Variants in SLC27A2 observed in about 807,000 individuals in gnomAD.
SLC27A2 encodes the protein long-chain fatty acid transport protein 2.
Under a neutral mutation model 60.0 loss-of-function variants are expected in SLC27A2, and 54 were observed. The ratio of observed to expected loss-of-function variants is 0.90; its 90% CI spans 0.72 to 1.13. The LOEUF (loss-of-function observed/expected upper bound fraction) is 1.13. Ranked by LOEUF, SLC27A2 falls within the 50% of genes most tolerant of loss-of-function variation. The probability of loss-of-function intolerance (pLI) is 0.00; values close to 1 mark genes in which losing one functional copy is unlikely to be tolerated. For missense variants in SLC27A2, 739 were observed against 777.6 expected (o/e 0.95, Z 0.59); for synonymous variants, 297 against 297.6 (o/e 1.00, Z 0.02).
intron 1 of SLC27A2, among the ~76,000 whole-genome samples, chr15:50,192,575 C>T (rs1192905167): frequency 6.6e-6 from 1 of 151,604 alleles, no homozygotes; most frequent in Non-Finnish European, 1.5e-5. Flanking sequence ...GACAGGGTCC[C>T]ACTCTGTTGC....
At position 50,202,675 on chromosome 15, in the gene SLC27A2, G is replaced by A. The variant is rs370948843; in HGVS notation, c.847+30G>A. The A allele has an allele frequency of 9.3e-6, 15 of 1,604,302 alleles. No homozygotes were observed. In the African/African-American group the frequency reaches 1.2e-4, roughly 13 times the overall value. On this transcript the variant is annotated intron_variant, in intron 3 of 9. Coordinates refer to ENST00000267842, the MANE Select transcript of SLC27A2 (RefSeq NM_003645.4). ...GCTTTTTCTACAAAATGTTGGAGGC[G>A]AGTGCACATTTACATTTTCCCAGAA...
chr15:50,200,390 C>T (rs889260023), intron 2 of SLC27A2, among the ~76,000 whole-genome samples: 9 of 151,404 alleles, frequency 5.9e-5, no homozygotes, highest in African/African-American at 2.2e-4. Context: ...ACACTCCAGC[C>T]TGGCAACAGA....
Position 50,182,304 on chromosome 15 carries a change from C to T in SLC27A2, c.-124C>T. 1 of 1,313,904 alleles carries T rather than the reference C, an allele frequency of 7.6e-7. No individual in the cohort carries two copies. Among genetic ancestry groups the T allele is most frequent in the Non-Finnish European group, 9.7e-7 (1 of 1,032,324 alleles). The allele number at this position is 1,313,904 out of a possible 1,614,324, so 81.4% of individuals were successfully genotyped here. ...GTCTTCCCCTTCATCTCACGCGAGCCCGGCGTCCCGCCGCGTGCGCCCCGG... is the reference window on the plus strand; with the variant it reads ...GTCTTCCCCTTCATCTCACGCGAGCTCGGCGTCCCGCCGCGTGCGCCCCGG... On this transcript the variant is annotated 5_prime_UTR_variant, in exon 1 of 10. Transcript: ENST00000267842.
intron 4 of SLC27A2, among the ~76,000 whole-genome samples, chr15:50,220,411 A>G (rs2140910269): frequency 6.6e-6 from 1 of 152,332 alleles, no homozygotes; most frequent in South Asian, 2.1e-4. Flanking sequence ...TTTGGCCTCA[A>G]AGGAGTTTAC....
At position 50,182,298 on chromosome 15, in the gene SLC27A2, G is replaced by T. The variant is rs2044859776; in HGVS notation, c.-130G>T. The T allele has an allele frequency of 7.7e-7, 1 of 1,302,150 alleles. No individual in the cohort carries two copies. The highest frequency in any genetic ancestry group is 1.6e-5 in the African/African-American group (1 of 64,004). 80.7% of individuals were successfully genotyped at this position (1,302,150 alleles called of 1,614,324 possible). A position where few individuals can be genotyped will look rare whatever the true frequency, so the allele number is the denominator to read the frequency against. ...AGCTCTGTCTTCCCCTTCATCTCACGCGAGCCCGGCGTCCCGCCGCGTGCG... is the reference window on the plus strand; with the variant it reads ...AGCTCTGTCTTCCCCTTCATCTCACTCGAGCCCGGCGTCCCGCCGCGTGCG... On this transcript the variant is annotated 5_prime_UTR_variant, in exon 1 of 10. Coordinates refer to ENST00000267842, the MANE Select transcript of SLC27A2 (RefSeq NM_003645.4).
chr15:50,215,915 G>C (rs1595688847), intron 4 of SLC27A2, among the ~76,000 whole-genome samples: 1 of 152,336 alleles, frequency 6.6e-6, no homozygotes, highest in Non-Finnish European at 1.5e-5. Context: ...AGGATTTCAT[G>C]ACCAAGAACC....
At position 50,204,497 on chromosome 15, in the gene SLC27A2, G is replaced by A. The variant is rs960550238; in HGVS notation, c.848-742G>A. 3.3e-5 allele frequency among the ~76,000 whole-genome samples: 5 copies of A among 151,904 alleles called. No individual in the cohort carries two copies. In the East Asian group the frequency reaches 9.7e-4, roughly 30 times the overall value. ...GCCTGTAATCTCAGCACTTTGGGAG[G>A]CCAAGGGGTACAGATCACGAGGTCA... is the stretch of plus-strand genomic sequence containing the variant. On this transcript the variant is annotated intron_variant, in intron 3 of 9. Coordinates refer to ENST00000267842, the MANE Select transcript of SLC27A2 (RefSeq NM_003645.4).
intron 4 of SLC27A2, among the ~76,000 whole-genome samples, chr15:50,214,460 T>G (rs1317991220): frequency 6.6e-6 from 1 of 152,028 alleles, no homozygotes; most frequent in Admixed American, 6.6e-5. Flanking sequence ...CCCTCCCTAA[T>G]TCATTCCATA....
chr15:50,227,009 A>G lies in SLC27A2; in HGVS notation c.1288A>G (p.Thr430Ala), dbSNP rs763845289. 1.9e-6 allele frequency: 3 copies of G among 1,613,860 alleles called. No homozygotes were observed. Among genetic ancestry groups the G allele is most frequent in the South Asian group, 1.1e-5 (1 of 90,996 alleles). Reference sequence around the variant, plus strand: ...AGTTGGACTTCTGGTTTGCAAAATCACACAACTTACACCATTTAATGGCTA... The same window carrying G: ...AGTTGGACTTCTGGTTTGCAAAATCGCACAACTTACACCATTTAATGGCTA... ...GEVGLLVCKI[T>A]QLTPFNGYAG... is the part of the protein sequence containing the mutation. Residue 430 changes from threonine (T) to alanine (A), a missense_variant, in exon 7 of 10, where the codon ACA becomes GCA. Coordinates refer to ENST00000267842, the MANE Select transcript of SLC27A2 (RefSeq NM_003645.4).
chr15:50,230,236 CAAAAAA>C (rs921052664), intron 8 of SLC27A2, among the ~76,000 whole-genome samples: 4 of 48,682 alleles, frequency 8.2e-5, no homozygotes, highest in African/African-American at 2.7e-4. Flanking sequence ...TCTGTCTCAC[CAAAAAA>C]AAAAAAAAAA....
intron 8 of SLC27A2, among the ~76,000 whole-genome samples, chr15:50,230,209 GGGC>G (rs1469583512): frequency 6.8e-6 from 1 of 147,690 alleles, no homozygotes; most frequent in African/African-American, 2.5e-5. Context: ...ACTCCAGCCT[GGGC>G]AACAGAGCAA....
chr15:50,199,477 T>TAAA (rs60025067), intron 2 of SLC27A2, among the ~76,000 whole-genome samples: 8 of 128,290 alleles, frequency 6.2e-5, no homozygotes, highest in South Asian at 2.5e-4. Flanking sequence ...GACTCTGTCT[T>TAAA]AAAAAAAAAA....
At chr15:50,197,788 T>C (rs2045035654) in intron 2 of SLC27A2, 79 bp downstream of exon 2, 3 of 1,051,050 alleles carry the variant, frequency 2.9e-6, no homozygotes. Flanking sequence ...AATCTCTTTC[T>C]TTGGCAAAAC....
At position 50,228,998 on chromosome 15, in the gene SLC27A2, T is replaced by C. The variant is rs2045297335; in HGVS notation, c.1511T>C (p.Val504Ala). The C allele has an allele frequency of 2.2e-5, 36 of 1,613,918 alleles. No individual in the cohort carries two copies. The highest frequency in any genetic ancestry group is 2.8e-5 in the Non-Finnish European group (33 of 1,179,874). ...GAAGTTGCTGATACAGTTGGACTGG[T>C]TGATTTTGTCCAAGAAGTAAATGTT... ...TTEVADTVGL[V>A]DFVQEVNVYG... Residue 504 changes from valine (V) to alanine (A), a missense_variant, in exon 8 of 10, where the codon GTT becomes GCT. Physicochemically the swap from Val to Ala is moderately conservative, Grantham distance 64 (BLOSUM62 0). Coordinates refer to ENST00000267842, the MANE Select transcript of SLC27A2 (RefSeq NM_003645.4).
intron 8 of SLC27A2, among the ~76,000 whole-genome samples, chr15:50,230,235 CCAAAAAA>C (rs1567438673): frequency 8.1e-6 from 1 of 123,432 alleles, no homozygotes. Flanking sequence ...CTCTGTCTCA[CCAAAAAA>C]AAAAAAAAAA....
At chr15:50,231,531 T>C (rs577754853) in intron 8 of SLC27A2, among the ~76,000 whole-genome samples, 1 of 152,306 alleles carries the variant, frequency 6.6e-6, no homozygotes, top group South Asian at 2.1e-4. Context: ...ACACACACAC[T>C]GAAGTCTGAG....
intron 1 of SLC27A2, among the ~76,000 whole-genome samples, chr15:50,196,970 T>C (rs996154037): frequency 6.6e-6 from 1 of 152,222 alleles, no homozygotes; most frequent in African/African-American, 2.4e-5. Context: ...TAGTCCTGTG[T>C]GGCACATATT....
Position 50,197,633 on chromosome 15 carries a change from A to C in SLC27A2, c.612A>C (p.Glu204Asp), listed in dbSNP as rs1043718027. The change falls in exon 2 of 10, where the codon GAA becomes GAC. Residue 204 changes from glutamate (E) to aspartate (D), a missense_variant. Physicochemically the swap from Glu to Asp is conservative, Grantham distance 45 (BLOSUM62 2). Coordinates refer to ENST00000267842, the MANE Select transcript of SLC27A2 (RefSeq NM_003645.4). ...FLDKVDEVSTEPIPESWRSEV... is the reference protein window; with the variant it reads ...FLDKVDEVSTDPIPESWRSEV... The stretch of plus-strand genomic sequence containing the variant: ...ACAAAGTGGATGAAGTATCAACTGA[A>C]CCTATCCCAGAGTCATGGAGGTCTG... 1 of 1,614,034 alleles carries C rather than the reference A, an allele frequency of 6.2e-7. No homozygotes were observed. Among genetic ancestry groups the C allele is most frequent in the Non-Finnish European group, 8.5e-7 (1 of 1,179,976 alleles).
At chr15:50,187,632 C>G (rs1015340718) in intron 1 of SLC27A2, among the ~76,000 whole-genome samples, 1 of 152,088 alleles carries the variant, frequency 6.6e-6, no homozygotes, top group Non-Finnish European at 1.5e-5. Flanking sequence ...TACTCTTATG[C>G]AAGGCTTTAG....
Sources: allele counts gnomAD v4.1 joint callset (sites outside exome capture counted in the v4.1 genomes callset), GRCh38; gene constraint gnomAD v4.1.1; transcripts MANE v1.5; gene names NCBI Gene and HGNC (gene_info 2026-07-23, HGNC 2026-07-21).